Variants in RBFOX1 observed in about 807,000 individuals in gnomAD.
RBFOX1 encodes the protein RNA binding fox-1 homolog 1.
A neutral mutation model predicts 57.7 loss-of-function variants in RBFOX1; 8 were observed. The ratio of observed to expected loss-of-function variants is 0.14; its 90% CI spans 0.08 to 0.25. The LOEUF is 0.25. RBFOX1 is among the 10% of genes least tolerant of loss of function. The pLI, the probability that RBFOX1 is intolerant of heterozygous loss-of-function variation, is 1.00. For missense variants in RBFOX1, 611 were observed against 548.5 expected (o/e 1.11, Z -1.14); for synonymous variants, 326 against 222.4 (o/e 1.47, Z -4.15).
At chr16:7,625,501 C>G (rs982332) in intron 10 of RBFOX1, among the ~76,000 whole-genome samples, 58,431 of 152,036 alleles carry the variant, frequency 0.38, 13,177 homozygotes, top group Non-Finnish European at 0.5. Flanking sequence ...CATGGGGGCC[C>G]CAGAATACTC....
chr16:7,667,308 AAG>A (rs1267710663), intron 13 of RBFOX1, among the ~76,000 whole-genome samples: 3 of 152,236 alleles, frequency 2.0e-5, no homozygotes, highest in Non-Finnish European at 2.9e-5. Flanking sequence ...GCAGCAGAAC[AAG>A]AGGTCTTTGA....
chr16:6,029,452 G>T (rs139462383), intron 1 of RBFOX1, among the ~76,000 whole-genome samples: 3 of 152,286 alleles, frequency 2.0e-5, no homozygotes, highest in African/African-American at 7.2e-5. Flanking sequence ...TAAAGTTTGA[G>T]AATTTTTACA....
At chr16:7,162,559 GTC>G (rs1215316852) in intron 4 of RBFOX1, among the ~76,000 whole-genome samples, 2 of 134,272 alleles carry the variant, frequency 1.5e-5, no homozygotes, top group African/African-American at 3.0e-5. Flanking sequence ...GTGAAACCCT[GTC>G]TCTACTAAAA....
At chr16:5,883,111 C>T (rs2057804080) in intron 4 of RBFOX1, among the ~76,000 whole-genome samples, 1 of 152,132 alleles carries the variant, frequency 6.6e-6, no homozygotes, top group Admixed American at 6.6e-5. Flanking sequence ...AATCATGTAT[C>T]ATACAGTACT....
chr16:7,370,460 C>A (rs188885417), intron 4 of RBFOX1, among the ~76,000 whole-genome samples: 1 of 152,130 alleles, frequency 6.6e-6, no homozygotes, highest in Non-Finnish European at 1.5e-5. Flanking sequence ...TCAATCAAAG[C>A]GATCTTTGTT....
chr16:6,818,157 C>G (rs1323185451), intron 3 of RBFOX1, among the ~76,000 whole-genome samples: 1 of 152,100 alleles, frequency 6.6e-6, no homozygotes, highest in Non-Finnish European at 1.5e-5. Flanking sequence ...TGGTAGAGTA[C>G]CAGGCATATG....
intron 3 of RBFOX1, among the ~76,000 whole-genome samples, chr16:6,659,958 C>G (rs753919947): frequency 1.3e-5 from 2 of 152,106 alleles, no homozygotes; most frequent in Non-Finnish European, 2.9e-5. Context: ...AGGCTGGGCA[C>G]TGTGGCTCAT....
At chr16:5,699,724 T>C (rs7203702) in intron 3 of RBFOX1, among the ~76,000 whole-genome samples, 120,805 of 152,216 alleles carry the variant, frequency 0.79, 52,430 homozygotes, top group Non-Finnish European at 0.96. Context: ...CAGCTCTTCA[T>C]TGTACAAAAT....
chr16:6,872,411 A>G (rs906901540), intron 3 of RBFOX1, among the ~76,000 whole-genome samples: 10 of 151,960 alleles, frequency 6.6e-5, no homozygotes, highest in Non-Finnish European at 5.9e-5. Flanking sequence ...TTTTTAATCG[A>G]TCACCTTTTA....
At position 7,091,998 on chromosome 16, in the gene RBFOX1, G is replaced by A. The variant is rs116953395; in HGVS notation, c.27+39900G>A. Among the ~76,000 whole-genome samples, 492 of 152,018 alleles carry A rather than the reference G, an allele frequency of 3.2e-3. 2 individuals are homozygous for A. The highest frequency in any genetic ancestry group is 5.6e-3 in the Admixed American group (85 of 15,266). ...TTCCCCTTTATTTCAAACAATACAC[G>A]TGCCCTTTGTAGTAAAATTAGTCAA... On this transcript the variant is annotated intron_variant, in intron 4 of 15. Coordinates refer to ENST00000550418, the MANE Select transcript of RBFOX1 (RefSeq NM_018723.4).
chr16:7,190,421 G>T (rs1387407029), intron 4 of RBFOX1, among the ~76,000 whole-genome samples: 1 of 152,052 alleles, frequency 6.6e-6, no homozygotes, highest in South Asian at 2.1e-4. Context: ...TTTGTTGTCA[G>T]CCTTTACAAG....
intron 2 of RBFOX1, among the ~76,000 whole-genome samples, chr16:5,528,545 CTTTTT>C (rs755227280): frequency 8.7e-6 from 1 of 115,244 alleles, no homozygotes; most frequent in Non-Finnish European, 1.8e-5. Flanking sequence ...GACAGCTCTT[CTTTTT>C]TTTTTTTTTT....
chr16:5,878,810 A>C (rs1313720791), intron 4 of RBFOX1, among the ~76,000 whole-genome samples: 1 of 152,208 alleles, frequency 6.6e-6, no homozygotes, highest in African/African-American at 2.4e-5. Flanking sequence ...AAAACTAAAA[A>C]TTGAATAAAG....
At chr16:6,140,461 G>A (rs546989522) in intron 1 of RBFOX1, among the ~76,000 whole-genome samples, 1 of 152,254 alleles carries the variant, frequency 6.6e-6, no homozygotes, top group East Asian at 1.9e-4. Context: ...CTCCCAAACT[G>A]CTGGGATTAC....
chr16:7,165,517 C>T (rs1015216151), intron 4 of RBFOX1, among the ~76,000 whole-genome samples: 5 of 151,886 alleles, frequency 3.3e-5, no homozygotes, highest in Non-Finnish European at 7.4e-5. Flanking sequence ...GCACCCTCCA[C>T]CTCCTGGAAT....
chr16:7,654,507 G>T (rs1393020478), intron 12 of RBFOX1, among the ~76,000 whole-genome samples: 1 of 152,150 alleles, frequency 6.6e-6, no homozygotes, highest in East Asian at 1.9e-4. Context: ...TTCCAAAATG[G>T]CATTTGCCTT....
intron 4 of RBFOX1, among the ~76,000 whole-genome samples, chr16:7,155,730 T>TACACACACACACAC (rs1387441093): frequency 4.9e-5 from 4 of 82,036 alleles, no homozygotes; most frequent in African/African-American, 2.7e-4. Context: ...TATATATATA[T>TACACACACACACAC]ATATATATAC....
chr16:5,623,161 C>A (rs1320615830), intron 3 of RBFOX1, among the ~76,000 whole-genome samples: 2 of 152,132 alleles, frequency 1.3e-5, no homozygotes, highest in African/African-American at 4.8e-5. Flanking sequence ...AAGAAAGCCA[C>A]CAGTGAAGTG....
At chr16:6,943,217 G>A (rs113657036) in intron 3 of RBFOX1, among the ~76,000 whole-genome samples, 2,068 of 152,244 alleles carry the variant, frequency 0.014, 35 homozygotes, top group African/African-American at 0.047. Context: ...TGCCTATAAG[G>A]TTATAGAGCC....
Sources: allele counts gnomAD v4.1 joint callset (sites outside exome capture counted in the v4.1 genomes callset), GRCh38; gene constraint gnomAD v4.1.1; transcripts MANE v1.5; gene names NCBI Gene and HGNC (gene_info 2026-07-23, HGNC 2026-07-21).